Variants in PRMT3 observed in about 807,000 individuals in gnomAD.
PRMT3 encodes protein arginine N-methyltransferase 3.
Under a neutral mutation model 71.9 loss-of-function variants are expected in PRMT3, and 62 were observed. The observed-to-expected ratio is 0.86, with a 90% CI of 0.70 to 1.07. The LOEUF (loss-of-function observed/expected upper bound fraction) is 1.07, where lower values mean the gene tolerates loss of function less well. Ranked by LOEUF, PRMT3 falls within the 50% of genes least tolerant of loss-of-function variation. The pLI is 0.00. For missense variants in PRMT3, 663 were observed against 643.0 expected (o/e 1.03, Z -0.34); for synonymous variants, 213 against 220.4 (o/e 0.97, Z 0.30).
At chr11:20,405,864 A>G (rs1849058290) in intron 8 of PRMT3, 1 of 152,208 alleles carries the variant, frequency 6.6e-6, no homozygotes, top group African/African-American at 2.4e-5. Context: ...GGTAAGTGGT[A>G]TTAAATACAT....
At chr11:20,454,382 C>G (rs1695212892) in intron 11 of PRMT3, among the ~76,000 whole-genome samples, 2 of 152,164 alleles carry the variant, frequency 1.3e-5, no homozygotes, top group African/African-American at 2.4e-5. Context: ...TAAGAACTTA[C>G]AGCAATGTGA....
intron 10 of PRMT3, among the ~76,000 whole-genome samples, chr11:20,429,846 G>A (rs1349511202): frequency 6.6e-6 from 1 of 152,126 alleles, no homozygotes. Context: ...GGCTTAAGAA[G>A]GCTTGTGCTA....
intron 10 of PRMT3, among the ~76,000 whole-genome samples, chr11:20,444,349 GA>G (rs561246135): frequency 3.9e-5 from 6 of 152,076 alleles, no homozygotes; most frequent in Non-Finnish European, 8.8e-5. Context: ...TTCTAGGCGG[GA>G]TAAAGCAGTG....
chr11:20,486,681 AATG>A (rs1331191900), intron 13 of PRMT3, among the ~76,000 whole-genome samples: 2 of 152,172 alleles, frequency 1.3e-5, no homozygotes, highest in Non-Finnish European at 2.9e-5. Flanking sequence ...AAGAAATTGT[AATG>A]ATGACATTAT....
intron 11 of PRMT3, among the ~76,000 whole-genome samples, chr11:20,457,316 G>A (rs891658423): frequency 6.6e-6 from 1 of 151,734 alleles, no homozygotes; most frequent in South Asian, 2.1e-4. Context: ...TCCTCTTTCC[G>A]TTTCTTCCAT....
chr11:20,474,324 C>T (rs1435554868), intron 13 of PRMT3, among the ~76,000 whole-genome samples: 1 of 152,252 alleles, frequency 6.6e-6, no homozygotes, highest in African/African-American at 2.4e-5. Context: ...GCAGCCGCCC[C>T]TCCCCCTGGG....
chr11:20,474,791 A>G (rs375857489), intron 13 of PRMT3, among the ~76,000 whole-genome samples: 2 of 152,258 alleles, frequency 1.3e-5, no homozygotes, highest in East Asian at 3.8e-4. Flanking sequence ...CTCTTTGCAG[A>G]TAGAACAATG....
intron 11 of PRMT3, among the ~76,000 whole-genome samples, chr11:20,460,389 A>T (rs1418037428): frequency 6.6e-6 from 1 of 152,166 alleles, no homozygotes; most frequent in East Asian, 1.9e-4. Flanking sequence ...GACAAAGTTA[A>T]TTTTGTTATT....
chr11:20,444,712 A>G (rs1849984789), intron 10 of PRMT3, among the ~76,000 whole-genome samples: 1 of 152,166 alleles, frequency 6.6e-6, no homozygotes, highest in African/African-American at 2.4e-5. Context: ...TTTAGAATGA[A>G]GTACCTACTC....
intron 12 of PRMT3, 98 bp from the exon 13 acceptor site, chr11:20,464,362 G>A: frequency 7.0e-7 from 1 of 1,426,832 alleles, no homozygotes; most frequent in Non-Finnish European, 9.2e-7. Context: ...GTGCATAAAA[G>A]AAGTAATGTT....
chr11:20,432,305 A>G (rs1849670774), intron 10 of PRMT3, among the ~76,000 whole-genome samples: 1 of 152,154 alleles, frequency 6.6e-6, no homozygotes, highest in African/African-American at 2.4e-5. Flanking sequence ...ATATTTTATC[A>G]GTAATACTGT....
rs187318369 is a variant in PRMT3, at chr11:20,439,820, A to G, written c.994-12310A>G. Among the ~76,000 whole-genome samples the G allele has an allele frequency of 7.2e-5, 11 of 152,344 alleles. No individual in the cohort carries two copies. The East Asian group carries it at 2.1e-3, about 29-fold the overall frequency. The stretch of plus-strand genomic sequence containing the variant: ...GTAAATGAAAAAGAAGCCCAAAAGC[A>G]GCCTGTATACTCTTATGAGAATAAG... On this transcript the variant is annotated intron_variant, in intron 10 of 15. Transcript: ENST00000331079.
At chr11:20,455,649 AG>A (rs1369909034) in intron 11 of PRMT3, among the ~76,000 whole-genome samples, 5 of 151,938 alleles carry the variant, frequency 3.3e-5, no homozygotes, top group Admixed American at 6.5e-5. Flanking sequence ...GAAAAATAGA[AG>A]GGTGCAGGAT....
chr11:20,463,058 G>T (rs1052653375), intron 12 of PRMT3, among the ~76,000 whole-genome samples: 8 of 152,100 alleles, frequency 5.3e-5, no homozygotes, highest in African/African-American at 1.9e-4. Flanking sequence ...TAGAGATGGG[G>T]TTTCACCGTG....
intron 10 of PRMT3, 95 bp downstream of exon 10, chr11:20,426,960 G>A (rs1849560622): frequency 2.1e-6 from 3 of 1,403,616 alleles, no homozygotes; most frequent in African/African-American, 1.5e-5. Context: ...TTGATACATG[G>A]CAGAATGGTG....
At chr11:20,422,797 G>A (rs952726704) in intron 9 of PRMT3, among the ~76,000 whole-genome samples, 5 of 152,108 alleles carry the variant, frequency 3.3e-5, no homozygotes, top group Admixed American at 2.0e-4. Context: ...CTAATTACCC[G>A]ATATTACCAA....
At chr11:20,398,459 T>G (rs7938365) in intron 7 of PRMT3, among the ~76,000 whole-genome samples, 12,141 of 152,016 alleles carry the variant, frequency 0.08, 611 homozygotes, top group East Asian at 0.2. Flanking sequence ...CATATTTTTT[T>G]TTGTTGTTGT....
chr11:20,479,806 G>A (rs1182178547), intron 13 of PRMT3, among the ~76,000 whole-genome samples: 1 of 152,150 alleles, frequency 6.6e-6, no homozygotes, highest in Admixed American at 6.6e-5. Flanking sequence ...TGTTTACCCT[G>A]TGTCTTAACC....
At position 20,508,723 on chromosome 11, in the gene PRMT3, A is replaced by G. The variant is rs1239241541; in HGVS notation, c.*310A>G. 5.2e-6 allele frequency: 2 copies of G among 382,676 alleles called. No homozygotes were observed. The highest frequency in any genetic ancestry group is 4.1e-5 in the African/African-American group (2 of 48,482). The allele number at this position is 382,676 out of a possible 1,614,324, so 23.7% of individuals were successfully genotyped here. Reference sequence around the variant, plus strand: ...ATTTACATTGGCCTATATTTGGAAGAGAGATAGTCTTTTGTTTTTAATAAG... The same window carrying G: ...ATTTACATTGGCCTATATTTGGAAGGGAGATAGTCTTTTGTTTTTAATAAG... On this transcript the variant is annotated 3_prime_UTR_variant, in exon 16 of 16. Coordinates refer to ENST00000331079, the MANE Select transcript of PRMT3 (RefSeq NM_005788.4).
Sources: allele counts gnomAD v4.1 joint callset (sites outside exome capture counted in the v4.1 genomes callset), GRCh38; gene constraint gnomAD v4.1.1; transcripts MANE v1.5; gene names NCBI Gene and HGNC (gene_info 2026-07-23, HGNC 2026-07-21).